The following DHRSX variants were observed in gnomAD, a reference collection of about 807,000 sequenced individuals.
DHRSX encodes polyprenol dehydrogenase.
DHRSX carries 31 observed loss-of-function variants against 34.0 expected under a neutral mutation model. That is an observed-to-expected ratio of 0.91 (90% CI 0.69 to 1.23). The LOEUF is 1.23. Among genes scored for constraint, DHRSX ranks in the 50% most tolerant of loss-of-function variants. The probability of loss-of-function intolerance (pLI) is 0.00; values close to 1 mark genes in which losing one functional copy is unlikely to be tolerated. For missense variants in DHRSX, 414 were observed against 428.1 expected, an observed-to-expected ratio of 0.97 and a Z score of 0.29; for synonymous variants, 201 against 183.8, an observed-to-expected ratio of 1.09 and a Z score of -0.76.
At chrX:2,341,694 CA>C (rs1352008360) in intron 3 of DHRSX, among the ~76,000 whole-genome samples, 4 of 38,608 alleles carry the variant, frequency 1.0e-4, no homozygotes, top group Non-Finnish European at 3.3e-4. Context: ...ATAGAGGCAC[CA>C]TTCAATCCAC....
intron 3 of DHRSX, among the ~76,000 whole-genome samples, chrX:2,315,232 A>AGG (rs2042228663): frequency 6.6e-6 from 1 of 151,954 alleles, no homozygotes; most frequent in Admixed American, 6.6e-5. Context: ...GTCCAAATAA[A>AGG]CACTATCCTT....
At chrX:2,466,545 A>G (rs1267523672) in intron 1 of DHRSX, among the ~76,000 whole-genome samples, 1 of 152,160 alleles carries the variant, frequency 6.6e-6, no homozygotes, top group Non-Finnish European at 1.5e-5. Flanking sequence ...AGAAAACCAA[A>G]TATCACCTGT....
chrX:2,369,161 T>A (rs1296988677), intron 3 of DHRSX, among the ~76,000 whole-genome samples: 6 of 152,092 alleles, frequency 3.9e-5, no homozygotes, highest in Admixed American at 6.6e-5. Context: ...GAGCTTTGCT[T>A]CTGCGGTTGA....
intron 6 of DHRSX, among the ~76,000 whole-genome samples, chrX:2,239,701 G>A (rs1384813292): frequency 2.6e-5 from 4 of 152,056 alleles, no homozygotes; most frequent in Admixed American, 6.6e-5. Flanking sequence ...CCTGGGAGGC[G>A]GAGCTTGCAG....
chrX:2,277,130 GA>G (rs2041677658), intron 4 of DHRSX, among the ~76,000 whole-genome samples: 1 of 34,102 alleles, frequency 2.9e-5, no homozygotes, highest in Non-Finnish European at 5.7e-5. Flanking sequence ...ACGAGAGAGG[GA>G]GAGAGAAGGA....
At chrX:2,496,188 TTTTG>T (rs1378191919) in intron 1 of DHRSX, among the ~76,000 whole-genome samples, 10 of 152,070 alleles carry the variant, frequency 6.6e-5, no homozygotes, top group Non-Finnish European at 1.2e-4. Flanking sequence ...TTATTTTTGT[TTTTG>T]TTTTTTTGTT....
At chrX:2,378,475 C>G (rs1292966233) in intron 3 of DHRSX, among the ~76,000 whole-genome samples, 1 of 151,964 alleles carries the variant, frequency 6.6e-6, no homozygotes, top group Non-Finnish European at 1.5e-5. Context: ...GTCAAGATGA[C>G]GAGGATGAAG....
At chrX:2,376,202 T>C (rs58990629) in intron 3 of DHRSX, among the ~76,000 whole-genome samples, 15,537 of 137,322 alleles carry the variant, frequency 0.11, 2,938 homozygotes, top group African/African-American at 0.29. Flanking sequence ...ACAGGGTGGC[T>C]GGGGCCAATT....
intron 1 of DHRSX, chrX:2,490,678 C>T: frequency 6.2e-7 from 1 of 1,613,926 alleles, no homozygotes; most frequent in East Asian, 2.2e-5. Flanking sequence ...GGGCCACCAG[C>T]TTCAGGTCTG....
chrX:2,427,474 C>T (rs938995945), intron 1 of DHRSX, among the ~76,000 whole-genome samples: 8 of 152,244 alleles, frequency 5.3e-5, no homozygotes, highest in East Asian at 3.9e-4. Context: ...CAGGGACTGA[C>T]GGGGGAGCTC....
At chrX:2,360,561 C>A (rs1054200182) in intron 3 of DHRSX, among the ~76,000 whole-genome samples, 3 of 152,080 alleles carry the variant, frequency 2.0e-5, no homozygotes, top group Non-Finnish European at 4.4e-5. Flanking sequence ...CCAGCCTGGG[C>A]AACAGAGTGA....
At chrX:2,412,642 G>C (rs1025226141) in intron 2 of DHRSX, among the ~76,000 whole-genome samples, 1 of 151,832 alleles carries the variant, frequency 6.6e-6, no homozygotes, top group Non-Finnish European at 1.5e-5. Context: ...CCCCATGTTC[G>C]TTGCAGCATG....
intron 3 of DHRSX, among the ~76,000 whole-genome samples, chrX:2,386,619 T>C (rs1263984213): frequency 6.6e-6 from 1 of 152,232 alleles, no homozygotes; most frequent in African/African-American, 2.4e-5. Context: ...TTTGCATGAA[T>C]TTAGCAAAAT....
At chrX:2,448,076 A>G (rs1037758335) in intron 1 of DHRSX, among the ~76,000 whole-genome samples, 2 of 151,486 alleles carry the variant, frequency 1.3e-5, no homozygotes, top group African/African-American at 4.9e-5. Flanking sequence ...GGTGGCATGC[A>G]CCTGTAGTCC....
chrX:2,379,349 A>G (rs2043177602), intron 3 of DHRSX, among the ~76,000 whole-genome samples: 4 of 152,212 alleles, frequency 2.6e-5, no homozygotes, highest in Admixed American at 2.6e-4. Flanking sequence ...AACTGTGCCA[A>G]TGACGTCTGA....
intron 3 of DHRSX, among the ~76,000 whole-genome samples, chrX:2,307,556 G>T (rs933454161): frequency 3.3e-5 from 5 of 152,014 alleles, no homozygotes; most frequent in Admixed American, 3.3e-4. Context: ...GAGGGGTCAG[G>T]AGATCGAGAC....
intron 3 of DHRSX, among the ~76,000 whole-genome samples, chrX:2,317,002 G>A (rs1428372320): frequency 3.9e-5 from 6 of 152,164 alleles, no homozygotes; most frequent in African/African-American, 1.4e-4. Flanking sequence ...CTGTCGCCCA[G>A]GCTGGAGTGC....
At chrX:2,251,073 C>A (rs2016424908) in intron 5 of DHRSX, among the ~76,000 whole-genome samples, 1 of 152,150 alleles carries the variant, frequency 6.6e-6, no homozygotes, top group Admixed American at 6.6e-5. Context: ...CCATTAACAC[C>A]TCCAGGGGCT....
At chrX:2,222,219 G>A (rs2015537382) in intron 6 of DHRSX, among the ~76,000 whole-genome samples, 1 of 152,198 alleles carries the variant, frequency 6.6e-6, no homozygotes, top group Non-Finnish European at 1.5e-5. Flanking sequence ...AACAGACTAA[G>A]ACATTTGATG....
Sources: allele counts gnomAD v4.1 joint callset (sites outside exome capture counted in the v4.1 genomes callset), GRCh38; gene constraint gnomAD v4.1.1; transcripts MANE v1.5; gene names NCBI Gene and HGNC (gene_info 2026-07-23, HGNC 2026-07-21).